The following MBD3 variants were observed in gnomAD, a reference collection of about 807,000 sequenced individuals.
MBD3 encodes methyl-CpG-binding domain protein 3.
A neutral mutation model predicts 31.2 loss-of-function variants in MBD3; 13 were observed. The observed-to-expected ratio is 0.42, with a 90% CI of 0.27 to 0.66. The LOEUF (loss-of-function observed/expected upper bound fraction) is 0.66, where lower values mean the gene tolerates loss of function less well. Among genes scored for constraint, MBD3 ranks in the 30% least tolerant of loss-of-function variants. The pLI, the probability that MBD3 is intolerant of heterozygous loss-of-function variation, is 0.26. For synonymous variants in MBD3, 223 were observed against 187.4 expected, an observed-to-expected ratio of 1.19 and a Z score of -1.55; for missense variants, 440 against 426.5, an observed-to-expected ratio of 1.03 and a Z score of -0.28.
At position 1,578,566 on chromosome 19, in the gene MBD3, C is replaced by A. The variant is rs1366759244; in HGVS notation, c.678-28G>T. 1 of 1,610,134 alleles carries A rather than the reference C, an allele frequency of 6.2e-7. No homozygotes were observed. The highest frequency in any genetic ancestry group is 8.5e-7 in the Non-Finnish European group (1 of 1,179,880). ...GGGGACACATGGACCTTGCGTTACA[C>A]CAAGGTGAGCGGCCAGCAGGACATG... On this transcript the variant is annotated intron_variant, in intron 5 of 6. Coordinates refer to ENST00000434436, the MANE Select transcript of MBD3 (RefSeq NM_001281453.2). The surrounding 1 kb of genome is among the most constrained non-coding windows in gnomAD (Gnocchi z 6.1).
At chr19:1,591,989 A>T (rs1054462214) in intron 1 of MBD3, 7 of 152,158 alleles carry the variant, frequency 4.6e-5, no homozygotes, top group African/African-American at 1.7e-4. Context: ...GAATACCTTT[A>T]AAAAAAGCAA....
chr19:1,580,985 G>C, intron 5 of MBD3, 107 bp downstream of exon 5: 1 of 1,378,648 alleles, frequency 7.3e-7, no homozygotes. Flanking sequence ...CAAAACCCCA[G>C]CAGCATCGTG....
intron 1 of MBD3, among the ~76,000 whole-genome samples, chr19:1,591,571 G>A (rs1568279100): frequency 6.6e-6 from 1 of 152,194 alleles, no homozygotes; most frequent in Non-Finnish European, 1.5e-5. Flanking sequence ...TTACCCAGGT[G>A]CTCGGCACAT....
chr19:1,580,985 G>T, intron 5 of MBD3, 107 bp downstream of exon 5: 1 of 1,378,646 alleles, frequency 7.3e-7, no homozygotes, highest in Non-Finnish European at 1.0e-6. Context: ...CAAAACCCCA[G>T]CAGCATCGTG....
intron 5 of MBD3, 146 bp downstream of exon 5, chr19:1,580,946 G>A (rs972049851): frequency 9.7e-7 from 1 of 1,027,002 alleles, no homozygotes; most frequent in African/African-American, 1.6e-5. Flanking sequence ...CTCCGACGAT[G>A]GGTCCCCTTG....
At position 1,581,893 on chromosome 19, in the gene MBD3, A is replaced by C. The variant is rs572839223; in HGVS notation, c.500-624T>G. On this transcript the variant is annotated intron_variant, in intron 4 of 6. Coordinates refer to ENST00000434436, the MANE Select transcript of MBD3 (RefSeq NM_001281453.2). ...CGCTATTCTCCTGCCTCAGCCTCCC[A>C]AGTAGCTGAGACTACAGGCGGCCGC... 1.3e-4 allele frequency among the ~76,000 whole-genome samples: 19 copies of C among 150,918 alleles called. No individual in the cohort carries two copies. In the South Asian group the frequency reaches 4.0e-3, roughly 32 times the overall value.
chr19:1,584,909 GCCTGCGCCTTCCGCTCTGTGC>G, intron 2 of MBD3, 125 bp downstream of exon 2: 1 of 1,244,504 alleles, frequency 8.0e-7, no homozygotes, highest in South Asian at 1.3e-5. Context: ...GCACCCTGTG[GCCTGCGCCTTCCGCTCTGTGC>G]CCTCCGCCCG....
chr19:1,579,679 C>T (rs954663232), intron 5 of MBD3, among the ~76,000 whole-genome samples: 8 of 152,226 alleles, frequency 5.3e-5, no homozygotes, highest in Non-Finnish European at 1.2e-4. Context: ...ACCTACTCGA[C>T]TGCAGCCACC....
intron 2 of MBD3, 75 bp from the exon 3 acceptor site, chr19:1,584,752 G>C: frequency 1.4e-6 from 2 of 1,475,038 alleles, no homozygotes; most frequent in Non-Finnish European, 9.2e-7. Context: ...GCGGGGCCCG[G>C]GTGACCCCCT....
chr19:1,581,440 A>G, intron 4 of MBD3, 171 bp from the exon 5 acceptor site: 1 of 724,042 alleles, frequency 1.4e-6, no homozygotes, highest in Non-Finnish European at 2.3e-6. Flanking sequence ...CTACATTCAT[A>G]ACAGAAAAAA....
chr19:1,576,025 G>C lies in MBD3; in HGVS notation c.*2139C>G, dbSNP rs1355514008. 1.3e-5 allele frequency: 2 copies of C among 152,462 alleles called. No individual in the cohort carries two copies. Among genetic ancestry groups the C allele is most frequent in the African/African-American group, 4.8e-5 (2 of 41,424 alleles). The allele number at this position is 152,462 out of a possible 1,614,324, so 9.4% of individuals were successfully genotyped here. ...AGACAGAGACAGAGACCGAGGGAGA[G>C]AGACAGGAGAGAGAGCAAGAAACAA... On this transcript the variant is annotated 3_prime_UTR_variant, in exon 7 of 7. Transcript: ENST00000434436.
Position 1,581,404 on chromosome 19 carries a change from C to G in MBD3, c.500-135G>C, listed in dbSNP as rs147861734. ...AGGAACCCCAACTTGGGTTCCATTT[C>G]TAAATTCCCTCTCCCGCTTGTGTTA... On this transcript the variant is annotated intron_variant, in intron 4 of 6. Coordinates refer to ENST00000434436, the MANE Select transcript of MBD3 (RefSeq NM_001281453.2). 438 of 894,638 alleles carry G rather than the reference C, an allele frequency of 4.9e-4. 2 individuals are homozygous for G. The East Asian group carries it at 6.0e-3, about 12-fold the overall frequency. 55.4% of individuals were successfully genotyped at this position (894,638 alleles called of 1,614,324 possible).
At position 1,585,274 on chromosome 19, in the gene MBD3, C is replaced by T; in HGVS notation, c.111-60G>A. On this transcript the variant is annotated intron_variant, in intron 1 of 6. Transcript: ENST00000434436. This position sits in a 1 kb window ranked among gnomAD's most constrained non-coding sequence, Gnocchi z 4.1. ...GACCCCAGACCCCAAACCCAGGCCT[C>T]GGCCGCAGACCCAAACCCAGTCCCA... 2 of 1,519,564 alleles carry T rather than the reference C, an allele frequency of 1.3e-6. No homozygotes were observed. Among genetic ancestry groups the T allele is most frequent in the Non-Finnish European group, 1.8e-6 (2 of 1,135,348 alleles). The allele number at this position is 1,519,564 out of a possible 1,614,324, so 94.1% of individuals were successfully genotyped here.
intron 1 of MBD3, among the ~76,000 whole-genome samples, chr19:1,590,537 G>A (rs959896834): frequency 1.1e-4 from 17 of 152,204 alleles, no homozygotes; most frequent in African/African-American, 4.1e-4. Context: ...AGGGTCGCCT[G>A]AGCCTGGGAG....
chr19:1,584,740 G>T, intron 2 of MBD3, 63 bp from the exon 3 acceptor site: 5 of 1,545,652 alleles, frequency 3.2e-6, no homozygotes, highest in South Asian at 2.3e-5. Context: ...GCCTCAGGGG[G>T]TGCGGGGCCC....
chr19:1,577,308 G>C lies in MBD3; in HGVS notation c.*856C>G, dbSNP rs963094873. 6.6e-6 allele frequency: 1 copy of C among 152,402 alleles called. No homozygotes were observed. The allele number at this position is 152,402 out of a possible 1,614,324, so 9.4% of individuals were successfully genotyped here. On this transcript the variant is annotated 3_prime_UTR_variant, in exon 7 of 7. Coordinates refer to ENST00000434436, the MANE Select transcript of MBD3 (RefSeq NM_001281453.2). ...CCTTGGGCCAGAAGCTCCCTGGAGAGCTGGGCACCTCGAGGAGCGTCTGGG... is the reference window on the plus strand; with the variant it reads ...CCTTGGGCCAGAAGCTCCCTGGAGACCTGGGCACCTCGAGGAGCGTCTGGG...
At position 1,577,571 on chromosome 19, in the gene MBD3, CTG is replaced by C. The variant is rs1917231214; in HGVS notation, c.*591_*592del. The C allele has an allele frequency of 6.6e-6, 1 of 152,276 alleles. No homozygotes were observed. Among genetic ancestry groups the C allele is most frequent in the South Asian group, 2.1e-4 (1 of 4,836 alleles). The allele number at this position is 152,276 out of a possible 1,614,324, so 9.4% of individuals were successfully genotyped here. A position where few individuals can be genotyped will look rare whatever the true frequency, so the allele number is the denominator to read the frequency against. ...AAGGCTGCCCGATGACGTGCCTCGA[CTG>C]TGTTACATTTACTGAAGGAGAGCGG... On this transcript the variant is annotated 3_prime_UTR_variant, in exon 7 of 7. Transcript: ENST00000434436.
Position 1,585,080 on chromosome 19 carries a change from C to A in MBD3, c.245G>T (p.Arg82Leu). 6.2e-7 allele frequency: 1 copy of A among 1,612,418 alleles called. No individual in the cohort carries two copies. Among genetic ancestry groups the A allele is most frequent in the Non-Finnish European group, 8.5e-7 (1 of 1,179,428 alleles). Residue 82 changes from arginine (R) to leucine (L), a missense_variant, in exon 2 of 7, where the codon CGC becomes CTC. Physicochemically the swap from Arg to Leu is moderately radical, Grantham distance 102. Transcript: ENST00000434436. The surrounding 1 kb of genome is among the most constrained non-coding windows in gnomAD (Gnocchi z 4.1). ...CTTGACCTGGTTGGAGGAGTCGTAGCGCACGCGCTGGCGGCTCTTGTTCAT... is the reference window on the plus strand; with the variant it reads ...CTTGACCTGGTTGGAGGAGTCGTAGAGCACGCGCTGGCGGCTCTTGTTCAT... ...SKMNKSRQRV[R>L]YDSSNQVKGK...
chr19:1,586,581 T>C (rs1342704552), intron 1 of MBD3, among the ~76,000 whole-genome samples: 1 of 152,072 alleles, frequency 6.6e-6, no homozygotes, highest in Non-Finnish European at 1.5e-5. Flanking sequence ...CAATCACAGC[T>C]CACTGCAACC....
Sources: gnomAD v4.1 joint callset for allele counts (sites outside exome capture counted in the v4.1 genomes callset) on GRCh38, gnomAD v4.1.1 for gene constraint, Gnocchi (gnomAD v3.1) non-coding constraint, MANE v1.5 for transcripts, NCBI Gene and HGNC (gene_info 2026-07-23, HGNC 2026-07-21) for gene names.